The following CPT1B variants were observed in gnomAD, a reference collection of about 807,000 sequenced individuals.
CPT1B encodes the protein carnitine palmitoyltransferase 1B.
Under a neutral mutation model 92.7 loss-of-function variants are expected in CPT1B, and 57 were observed. That is an observed-to-expected ratio of 0.62 (90% CI 0.50 to 0.77). CPT1B has a LOEUF of 0.77. CPT1B is among the 30% of genes least tolerant of loss of function. CPT1B has a pLI of 0.00. For missense variants in CPT1B, 983 were observed against 1,017.4 expected (o/e 0.97, Z 0.46); for synonymous variants, 398 against 383.5 (o/e 1.04, Z -0.44).
rs781516702 is a variant in CPT1B at position 50,576,642 on chromosome 22, G to T, written c.460-5C>A. 1 of 1,610,490 alleles carries T rather than the reference G, an allele frequency of 6.2e-7. No homozygotes were observed. Among genetic ancestry groups the T allele is most frequent in the Non-Finnish European group, 8.5e-7 (1 of 1,178,530 alleles). Reference sequence around the variant, plus strand: ...GGATAGAAGGCGGATACACATCTGGGGGTACAGAGCAGAGTGCTGGGGTGG... The same window carrying T: ...GGATAGAAGGCGGATACACATCTGGTGGTACAGAGCAGAGTGCTGGGGTGG... On this transcript the variant is annotated splice_region_variant and splice_polypyrimidine_tract_variant and intron_variant, in intron 4 of 19. Coordinates refer to ENST00000312108, the MANE Select transcript of CPT1B (RefSeq NM_152246.3).
chr22:50,578,322 T>C (rs1299204016), intron 1 of CPT1B, 64 bp downstream of exon 1: 1 of 152,456 alleles, frequency 6.6e-6, no homozygotes, highest in East Asian at 1.9e-4. Flanking sequence ...AGCGCCGTCC[T>C]CGCCCCTGTG....
At position 50,577,941 on chromosome 22, in the gene CPT1B, CGG is replaced by C. The variant is rs889709299; in HGVS notation, c.-19-9_-19-8del. ...CCTGGGGGTTGGTCGGCACCTAGGA[CGG>C]GGGCAGATGGGTGCGCGGGCGCGCT... is the stretch of plus-strand genomic sequence containing the variant. On this transcript the variant is annotated splice_region_variant and splice_polypyrimidine_tract_variant and intron_variant, in intron 1 of 19. Coordinates refer to ENST00000312108, the MANE Select transcript of CPT1B (RefSeq NM_152246.3). 4 of 1,598,106 alleles carry C rather than the reference CGG, an allele frequency of 2.5e-6. No homozygotes were observed. In the African/African-American group the frequency reaches 5.4e-5, roughly 21 times the overall value.
In CPT1B at chr22:50,570,209, C is replaced by T. The variant is rs778784168; in HGVS notation, c.2142+84G>A. 2.2e-4 allele frequency: 215 copies of T among 990,858 alleles called. 1 individual carries two copies. The highest frequency in any genetic ancestry group is 5.9e-5 in the Non-Finnish European group (40 of 682,322). 61.4% of individuals were successfully genotyped at this position (990,858 alleles called of 1,614,324 possible). ...TCCTCTAAGCAAGGTGCTCCTGCCT[C>T]TCGTCTGACCTCAGGGCCTGCACTC... On this transcript the variant is annotated intron_variant, in intron 17 of 19. Transcript: ENST00000312108.
chr22:50,577,923 GT>G lies in CPT1B; in HGVS notation c.-9del. The G allele has an allele frequency of 6.2e-7, 1 of 1,606,128 alleles. No individual in the cohort carries two copies. Among genetic ancestry groups the G allele is most frequent in the Non-Finnish European group, 8.5e-7 (1 of 1,174,776 alleles). On this transcript the variant is annotated 5_prime_UTR_variant, in exon 2 of 20. Transcript: ENST00000312108. ...CTGGTGAGCTTCCGCCATCCTGGGG[GT>G]TGGTCGGCACCTAGGACGGGGGCAG...
intron 7 of CPT1B, among the ~76,000 whole-genome samples, chr22:50,575,258 C>T (rs978955709): frequency 6.6e-6 from 1 of 152,212 alleles, no homozygotes; most frequent in Admixed American, 6.5e-5. Context: ...ATCCACCTGC[C>T]TCGGCCTCCC....
chr22:50,571,918 C>G, intron 13 of CPT1B, 88 bp downstream of exon 13: 1 of 1,223,128 alleles, frequency 8.2e-7, no homozygotes, highest in Non-Finnish European at 1.2e-6. Flanking sequence ...GTGAGGCCAG[C>G]AGGGGAGGAG....
chr22:50,576,388 T>C lies in CPT1B; in HGVS notation c.562-53A>G, dbSNP rs535838456. The C allele has an allele frequency of 4.3e-6, 7 of 1,611,888 alleles. No individual in the cohort carries two copies. The South Asian group carries it at 7.7e-5, about 18-fold the overall frequency. On this transcript the variant is annotated intron_variant, in intron 5 of 19. Transcript: ENST00000312108. Reference sequence around the variant, plus strand: ...GGCCAGATGGCAAGGGCTGCCTCTATCTTAATCCTCTTCCCACCTCTCCCT... The same window carrying C: ...GGCCAGATGGCAAGGGCTGCCTCTACCTTAATCCTCTTCCCACCTCTCCCT...
In CPT1B at chr22:50,570,812, G is replaced by C. The variant is rs183000951; in HGVS notation, c.2028+79C>G. Reference sequence around the variant, plus strand: ...GGGGAGCAAGCCAGGAAAACAGGCCGTGCTCCATCATGAGATGGCCCAAGC... The same window carrying C: ...GGGGAGCAAGCCAGGAAAACAGGCCCTGCTCCATCATGAGATGGCCCAAGC... On this transcript the variant is annotated intron_variant, in intron 16 of 19. Transcript: ENST00000312108. 8.4e-6 allele frequency: 13 copies of C among 1,544,808 alleles called. No individual in the cohort carries two copies. In the Middle Eastern group the frequency reaches 6.6e-4, roughly 79 times the overall value.
At chr22:50,569,504 A>C in intron 18 of CPT1B, 72 bp downstream of exon 18, 1 of 1,606,226 alleles carries the variant, frequency 6.2e-7, no homozygotes, top group South Asian at 1.1e-5. Flanking sequence ...TCCCCAGCCA[A>C]AGACACCTGT....
At position 50,571,028 on chromosome 22, in the gene CPT1B, C is replaced by T; in HGVS notation, c.1891G>A (p.Asp631Asn). 1 of 1,614,026 alleles carries T rather than the reference C, an allele frequency of 6.2e-7. No homozygotes were observed. The highest frequency in any genetic ancestry group is 2.2e-5 in the East Asian group (1 of 44,884). ...TTCTTAGCAGCCTTCTGGAAGAGAT[C>T]TCGCAGGTCTGCTTTCTGCGGGGCA... Reference protein sequence around the residue: ...EGSHTKADLRDLFQKAAKKHQ... With the variant: ...EGSHTKADLRNLFQKAAKKHQ... The change falls in exon 16 of 20, where the codon GAT becomes AAT. Residue 631 changes from aspartate (D) to asparagine (N), a missense_variant. Asp to Asn is a conservative substitution (Grantham distance 23). Coordinates refer to ENST00000312108, the MANE Select transcript of CPT1B (RefSeq NM_152246.3).
chr22:50,575,236 C>T (rs992770783), intron 7 of CPT1B, among the ~76,000 whole-genome samples: 3 of 152,174 alleles, frequency 2.0e-5, no homozygotes, highest in African/African-American at 7.2e-5. Context: ...CTCTCGATCT[C>T]CTGACCTTGT....
Position 50,570,276 on chromosome 22 carries a change from C to G in CPT1B, c.2142+17G>C, listed in dbSNP as rs373840797. 9 of 1,535,842 alleles carry G rather than the reference C, an allele frequency of 5.9e-6. No homozygotes were observed. Among genetic ancestry groups the G allele is most frequent in the African/African-American group, 1.4e-5 (1 of 72,918 alleles). On this transcript the variant is annotated intron_variant, in intron 17 of 19. Transcript: ENST00000312108. ...GGGCCCTGGTGCTGCCCACCCACCCCCTTCAGGAGCACTCACAGGGCCAAA... is the reference window on the plus strand; with the variant it reads ...GGGCCCTGGTGCTGCCCACCCACCCGCTTCAGGAGCACTCACAGGGCCAAA...
rs777512750 is a variant in CPT1B at position 50,573,661 on chromosome 22, C to T, written c.1025G>A (p.Arg342His). ...SRHVAVYHKG[R>H]FFKLWLYEGA... ...CTCATAGAGCCACAGCTTGAAGAAG[C>T]GTCCCTTGTGGTAGACAGCCACGTG... Residue 342 changes from arginine (R) to histidine (H), a missense_variant, in exon 10 of 20, where the codon CGC becomes CAC. By Grantham distance (29) the Arg-to-His change is conservative. Transcript: ENST00000312108. The surrounding 1 kb of genome is among the most constrained non-coding windows in gnomAD (Gnocchi z 5.0). 19 of 1,613,266 alleles carry T rather than the reference C, an allele frequency of 1.2e-5. 1 individual carries two copies. Among genetic ancestry groups the T allele is most frequent in the Middle Eastern group, 1.7e-4 (1 of 6,060 alleles).
Position 50,577,783 on chromosome 22 carries a change from G to C in CPT1B, c.133C>G (p.Arg45Gly). ...GAAGCACCTGTGCGCACCTTGATGC[G>C]GATCAGGCGTTTCTTCCAGGAGTTG... The part of the protein sequence containing the change: ...GINSWKKRLI[R>G]IKNGILRGVY... The change falls in exon 2 of 20, where the codon CGC (arginine) becomes GGC (glycine). Residue 45 changes from arginine (R) to glycine (G), a missense_variant. Arg to Gly is a moderately radical substitution (Grantham distance 125). Coordinates refer to ENST00000312108, the MANE Select transcript of CPT1B (RefSeq NM_152246.3). 2 of 1,613,712 alleles carry C rather than the reference G, an allele frequency of 1.2e-6. No individual in the cohort carries two copies. Among genetic ancestry groups the C allele is most frequent in the Non-Finnish European group, 1.7e-6 (2 of 1,179,754 alleles).
chr22:50,575,977 G>T, intron 7 of CPT1B, 58 bp downstream of exon 7: 2 of 1,538,818 alleles, frequency 1.3e-6, no homozygotes, highest in Non-Finnish European at 1.8e-6. Context: ...CAGATCCCTT[G>T]CCTTGGAGCT....
At position 50,573,497 on chromosome 22, in the gene CPT1B, A is replaced by G. The variant is rs80171933; in HGVS notation, c.1166+23T>C. 102 of 1,581,154 alleles carry G rather than the reference A, an allele frequency of 6.5e-5. No homozygotes were observed. Among genetic ancestry groups the G allele is most frequent in the Admixed American group, 1.0e-4 (6 of 57,844 alleles). On this transcript the variant is annotated intron_variant, in intron 10 of 19. Coordinates refer to ENST00000312108, the MANE Select transcript of CPT1B (RefSeq NM_152246.3). The surrounding 1 kb of genome is among the most constrained non-coding windows in gnomAD (Gnocchi z 5.0). ...GGAGCCCTGAACTCAGGGTGGGGAC[A>G]GTCCCTTCCTAGAGGCCAATACCTT...
At chr22:50,578,028 G>A (rs1449000903) in intron 1 of CPT1B, 94 bp from the exon 2 acceptor site, 3 of 821,286 alleles carry the variant, frequency 3.7e-6, no homozygotes, top group African/African-American at 1.9e-5. Context: ...GACCCCTCGC[G>A]CCCCCCACCC....
intron 17 of CPT1B, 141 bp from the exon 18 acceptor site, chr22:50,569,809 C>T: frequency 1.4e-6 from 1 of 709,192 alleles, no homozygotes; most frequent in Non-Finnish European, 2.4e-6. Context: ...CTGAGGACCA[C>T]CCCCAGGAAA....
Position 50,572,898 on chromosome 22 carries a change from C to T in CPT1B, c.1329G>A (p.Leu443=), listed in dbSNP as rs1286336269. 2.5e-6 allele frequency: 4 copies of T among 1,609,248 alleles called. No homozygotes were observed. Among genetic ancestry groups the T allele is most frequent in the African/African-American group, 1.3e-5 (1 of 74,942 alleles). The change falls in exon 11 of 20, where the codon CTG becomes CTA. Residue 443 remains leucine, a synonymous_variant. Transcript: ENST00000312108. ...ACCTGTTGTAGCAGTTGCCATGTAG[C>T]AGGGCCTTGCCATAGAGGCTGAGGC... ...EASLSLYGKA[L]LHGNCYNRWF...
Sources: gnomAD v4.1 joint callset for allele counts (sites outside exome capture counted in the v4.1 genomes callset) on GRCh38, gnomAD v4.1.1 for gene constraint, Gnocchi (gnomAD v3.1) non-coding constraint, MANE v1.5 for transcripts, NCBI Gene and HGNC (gene_info 2026-07-23, HGNC 2026-07-21) for gene names.